The following PTPRD variants were observed in gnomAD, a reference collection of about 807,000 sequenced individuals.
The protein encoded by PTPRD is receptor-type tyrosine-protein phosphatase delta.
A neutral mutation model predicts 214.5 loss-of-function variants in PTPRD; 34 were observed. The observed-to-expected ratio is 0.16, with a 90% confidence interval of 0.12 to 0.21. The LOEUF (loss-of-function observed/expected upper bound fraction) is 0.21, where lower values mean the gene tolerates loss of function less well. Ranked by LOEUF, PTPRD falls within the 10% of genes least tolerant of loss-of-function variation. The probability of loss-of-function intolerance (pLI) is 1.00; values close to 1 mark genes in which losing one functional copy is unlikely to be tolerated. For synonymous variants in PTPRD, 1,128 were observed against 845.7 expected, an observed-to-expected ratio of 1.33 and a Z score of -5.79; for missense variants, 2,545 against 2,398.7, an observed-to-expected ratio of 1.06 and a Z score of -1.27.
chr9:10,242,793 G>A (rs2091353934), intron 3 of PTPRD, among the ~76,000 whole-genome samples: 1 of 151,610 alleles, frequency 6.6e-6, no homozygotes, highest in Non-Finnish European at 1.5e-5. Flanking sequence ...CACTAATTAA[G>A]TGAGCCAATG....
chr9:10,551,076 G>A (rs1330022106), intron 2 of PTPRD, among the ~76,000 whole-genome samples: 1 of 152,186 alleles, frequency 6.6e-6, no homozygotes, highest in Non-Finnish European at 1.5e-5. Context: ...GCTCATGCCT[G>A]TAATCGCAGT....
At chr9:9,850,487 A>T (rs2060346638) in intron 5 of PTPRD, among the ~76,000 whole-genome samples, 1 of 152,186 alleles carries the variant, frequency 6.6e-6, no homozygotes, top group Non-Finnish European at 1.5e-5. Context: ...TGAATTTCAG[A>T]TAATTCATAA....
chr9:10,357,717 G>A (rs1010463496), intron 2 of PTPRD, among the ~76,000 whole-genome samples: 1 of 152,208 alleles, frequency 6.6e-6, no homozygotes, highest in Non-Finnish European at 1.5e-5. Context: ...CATAGGCAGA[G>A]CAGCTGGAGA....
At chr9:10,504,175 C>T (rs1241409879) in intron 2 of PTPRD, among the ~76,000 whole-genome samples, 1 of 131,582 alleles carries the variant, frequency 7.6e-6, no homozygotes, top group African/African-American at 2.8e-5. Context: ...AATGGCGATT[C>T]TTGAGTCTAA....
Position 10,156,198 on chromosome 9 carries a change from G to C in PTPRD, c.-544-122408C>G, listed in dbSNP as rs117253328. On this transcript the variant is annotated intron_variant, in intron 3 of 45. Coordinates refer to ENST00000381196, the MANE Select transcript of PTPRD (RefSeq NM_002839.4). ...CCAGCTTTGGCATTGGTTTACTCTT[G>C]GTTCTCTAGCTCTTTTAGTTGTGAT... Among the ~76,000 whole-genome samples, 84 of 149,220 alleles carry C rather than the reference G, an allele frequency of 5.6e-4. 1 individual carries two copies. In the East Asian group the frequency reaches 0.015, roughly 26 times the overall value.
intron 3 of PTPRD, among the ~76,000 whole-genome samples, chr9:10,300,374 T>C (rs1280911236): frequency 6.6e-6 from 1 of 152,120 alleles, no homozygotes; most frequent in Non-Finnish European, 1.5e-5. Context: ...AGTTTAGTTT[T>C]CATACCCCAG....
At position 9,160,117 on chromosome 9, in the gene PTPRD, A is replaced by G. The variant is rs79478847; in HGVS notation, c.-143+23187T>C. Among the ~76,000 whole-genome samples the G allele has an allele frequency of 3.3e-3, 505 of 152,278 alleles. 9 individuals are homozygous for G. The highest frequency in any genetic ancestry group is 0.012 in the African/African-American group (483 of 41,566). The stretch of plus-strand genomic sequence containing the variant: ...AAATCTTAGAGAGGAAAAGCTCTGC[A>G]ACATTGTTCTGGGCAATTATTTTGT... On this transcript the variant is annotated intron_variant, in intron 10 of 45. Coordinates refer to ENST00000381196, the MANE Select transcript of PTPRD (RefSeq NM_002839.4).
chr9:8,687,729 G>A (rs1179239936), intron 12 of PTPRD, among the ~76,000 whole-genome samples: 2 of 151,672 alleles, frequency 1.3e-5, no homozygotes, highest in Non-Finnish European at 1.5e-5. Flanking sequence ...GAGGTCCTTA[G>A]GTAAAATAAG....
chr9:9,063,737 G>A (rs556706076), intron 10 of PTPRD, among the ~76,000 whole-genome samples: 7 of 152,258 alleles, frequency 4.6e-5, no homozygotes, highest in African/African-American at 1.7e-4. Context: ...GATGTTTAAT[G>A]AACACTAGTA....
chr9:8,527,386 G>C, intron 15 of PTPRD, 33 bp from the exon 16 acceptor site: 1 of 1,596,530 alleles, frequency 6.3e-7, no homozygotes, highest in Non-Finnish European at 8.6e-7. Context: ...AAGAAAGACA[G>C]CATAAAAATA....
intron 7 of PTPRD, among the ~76,000 whole-genome samples, chr9:9,726,859 G>A (rs2098103438): frequency 6.6e-6 from 1 of 152,216 alleles, no homozygotes; most frequent in African/African-American, 2.4e-5. Context: ...GAAAATTGTA[G>A]AATGTTCTGT....
At chr9:8,381,547 A>G (rs974070537) in intron 37 of PTPRD, among the ~76,000 whole-genome samples, 4 of 152,168 alleles carry the variant, frequency 2.6e-5, no homozygotes, top group Non-Finnish European at 4.4e-5. Context: ...ATTTTATTAT[A>G]TCTTTACTAA....
intron 6 of PTPRD, among the ~76,000 whole-genome samples, chr9:9,745,828 T>A (rs542469801): frequency 6.6e-6 from 1 of 152,130 alleles, no homozygotes; most frequent in South Asian, 2.1e-4. Flanking sequence ...TAGTATATAG[T>A]AAGGTAGCTA....
chr9:8,426,667 A>T (rs1439766583), intron 35 of PTPRD, among the ~76,000 whole-genome samples: 2 of 152,200 alleles, frequency 1.3e-5, no homozygotes, highest in Non-Finnish European at 2.9e-5. Context: ...TTGTATGAGA[A>T]TAAGGACTGG....
At chr9:9,312,033 G>A (rs1959167595) in intron 9 of PTPRD, among the ~76,000 whole-genome samples, 1 of 152,184 alleles carries the variant, frequency 6.6e-6, no homozygotes, top group Non-Finnish European at 1.5e-5. Flanking sequence ...AACAAAGGAA[G>A]TGTAAATGTA....
chr9:8,913,548 A>AT (rs1426057698), intron 11 of PTPRD, among the ~76,000 whole-genome samples: 1 of 152,096 alleles, frequency 6.6e-6, no homozygotes, highest in African/African-American at 2.4e-5. Context: ...TTTTTTCTTA[A>AT]TTTAAATAAA....
intron 31 of PTPRD, among the ~76,000 whole-genome samples, chr9:8,469,152 T>C (rs1195241623): frequency 6.6e-6 from 1 of 151,988 alleles, no homozygotes; most frequent in Non-Finnish European, 1.5e-5. Flanking sequence ...AAAATGACCC[T>C]TTGTTATGGG....
chr9:8,370,207 TACACAC>T (rs78658053), intron 39 of PTPRD, among the ~76,000 whole-genome samples: 32 of 82,072 alleles, frequency 3.9e-4, no homozygotes, highest in Non-Finnish European at 6.4e-4. Context: ...CATATATATA[TACACAC>T]ACACACACAC....
intron 7 of PTPRD, among the ~76,000 whole-genome samples, chr9:9,619,093 T>A (rs1340456175): frequency 6.6e-6 from 1 of 152,118 alleles, no homozygotes; most frequent in Non-Finnish European, 1.5e-5. Context: ...ACTAGAATAG[T>A]GGACTGGTGG....
Sources: gnomAD v4.1 joint callset for allele counts (sites outside exome capture counted in the v4.1 genomes callset) on GRCh38, gnomAD v4.1.1 for gene constraint, MANE v1.5 for transcripts, NCBI Gene and HGNC (gene_info 2026-07-23, HGNC 2026-07-21) for gene names.